The following TRIM24 variants were observed in gnomAD, a reference collection of about 807,000 sequenced individuals.
TRIM24 encodes the protein transcription intermediary factor 1-alpha.
TRIM24 carries 29 observed loss-of-function variants against 123.9 expected under a neutral mutation model. The observed-to-expected ratio is 0.23, with a 90% confidence interval of 0.17 to 0.32. The LOEUF is 0.32. Ranked by LOEUF, TRIM24 falls within the 10% of genes least tolerant of loss-of-function variation. The pLI is 1.00. For synonymous variants in TRIM24, 456 were observed against 461.1 expected (o/e 0.99, Z 0.14); for missense variants, 932 against 1,295.3 (o/e 0.72, Z 4.31).
intron 1 of TRIM24, among the ~76,000 whole-genome samples, chr7:138,499,770 G>A (rs1440879236): frequency 2.6e-5 from 4 of 151,732 alleles, no homozygotes; most frequent in East Asian, 1.9e-4. Flanking sequence ...CCCTGTACAT[G>A]TGCTTATTAT....
At chr7:138,571,130 G>C in intron 11 of TRIM24, 127 bp downstream of exon 11, 1 of 924,940 alleles carries the variant, frequency 1.1e-6, no homozygotes. Flanking sequence ...AGGAGTTCGA[G>C]ACTAGCCTGG....
At chr7:138,540,989 C>CT (rs1208777064) in intron 7 of TRIM24, among the ~76,000 whole-genome samples, 8 of 152,224 alleles carry the variant, frequency 5.3e-5, no homozygotes, top group East Asian at 1.9e-4. Context: ...AGGCATGCGC[C>CT]ACCATGTCCA....
intron 2 of TRIM24, among the ~76,000 whole-genome samples, chr7:138,509,324 A>G (rs928804291): frequency 3.4e-5 from 5 of 148,430 alleles, no homozygotes; most frequent in Non-Finnish European, 7.4e-5. Context: ...TGTATAATAT[A>G]TATATAATAT....
intron 1 of TRIM24, among the ~76,000 whole-genome samples, chr7:138,478,684 G>C (rs1795458606): frequency 6.6e-6 from 1 of 152,122 alleles, no homozygotes; most frequent in Non-Finnish European, 1.5e-5. Flanking sequence ...TGAATGGGCA[G>C]TATCAGTTGA....
At chr7:138,483,977 G>A (rs961592212) in intron 1 of TRIM24, among the ~76,000 whole-genome samples, 4 of 152,124 alleles carry the variant, frequency 2.6e-5, no homozygotes, top group Non-Finnish European at 5.9e-5. Context: ...GCTGTTCAAA[G>A]TCCTCCCGGT....
At chr7:138,483,744 A>G (rs999341593) in intron 1 of TRIM24, among the ~76,000 whole-genome samples, 1 of 152,192 alleles carries the variant, frequency 6.6e-6, no homozygotes, top group Non-Finnish European at 1.5e-5. Context: ...ACAAACAGGG[A>G]CTGTGGGAGG....
intron 6 of TRIM24, among the ~76,000 whole-genome samples, chr7:138,537,246 C>T (rs984464571): frequency 1.3e-5 from 2 of 152,084 alleles, no homozygotes; most frequent in Non-Finnish European, 2.9e-5. Flanking sequence ...CGACAAGCCC[C>T]AGTGACATGA....
intron 5 of TRIM24, among the ~76,000 whole-genome samples, chr7:138,526,019 A>G: frequency 6.6e-6 from 1 of 152,168 alleles, no homozygotes. Context: ...TAGGGCACAT[A>G]CTGACATTTA....
intron 1 of TRIM24, among the ~76,000 whole-genome samples, chr7:138,485,900 T>G (rs1008015357): frequency 6.6e-6 from 1 of 152,324 alleles, no homozygotes; most frequent in East Asian, 1.9e-4. Flanking sequence ...TTCTAGATCC[T>G]TGAGGAATCG....
rs369916995 is a variant in TRIM24, at chr7:138,513,730, A to C, written c.484-1482A>C. ...TTCAGCATGAGATTTGGGCAGGCACACAGATCCAAACCATATTACCATCTT... is the reference window on the plus strand; with the variant it reads ...TTCAGCATGAGATTTGGGCAGGCACCCAGATCCAAACCATATTACCATCTT... On this transcript the variant is annotated intron_variant, in intron 2 of 18. Transcript: ENST00000343526. Among the ~76,000 whole-genome samples, 14 of 152,340 alleles carry C rather than the reference A, an allele frequency of 9.2e-5. 1 individual carries two copies. The East Asian group carries it at 1.7e-3, about 19-fold the overall frequency.
chr7:138,504,447 C>T (rs201189803), intron 2 of TRIM24, 39 bp downstream of exon 2: 2,030 of 154,208 alleles, frequency 0.013, 161 homozygotes, highest in South Asian at 0.03. Flanking sequence ...CCTGCCAGCT[C>T]TTTTTTTTTT....
intron 2 of TRIM24, among the ~76,000 whole-genome samples, chr7:138,506,554 C>T (rs966914904): frequency 3.3e-5 from 5 of 152,038 alleles, no homozygotes; most frequent in African/African-American, 1.2e-4. Flanking sequence ...TGGGATATTC[C>T]TATGACATAA....
At chr7:138,479,314 T>C (rs1488690099) in intron 1 of TRIM24, among the ~76,000 whole-genome samples, 1 of 152,186 alleles carries the variant, frequency 6.6e-6, no homozygotes. Context: ...TTGTCTGCTA[T>C]ATTTTTATCA....
rs1798024355 is a variant in TRIM24, at chr7:138,586,601, T to A, written c.*1650T>A. ...ACTCACTTTTCAAATATGTGTTACATGGTAATGTTTGTCATTGTTGTTTTA... is the reference window on the plus strand; with the variant it reads ...ACTCACTTTTCAAATATGTGTTACAAGGTAATGTTTGTCATTGTTGTTTTA... On this transcript the variant is annotated 3_prime_UTR_variant, in exon 19 of 19. Coordinates refer to ENST00000343526, the MANE Select transcript of TRIM24 (RefSeq NM_015905.3). 2 of 152,234 alleles carry A rather than the reference T, an allele frequency of 1.3e-5. No homozygotes were observed. The highest frequency in any genetic ancestry group is 2.9e-5 in the Non-Finnish European group (2 of 68,020). 9.4% of individuals were successfully genotyped at this position (152,234 alleles called of 1,614,324 possible).
chr7:138,584,876 T>A lies in TRIM24; in HGVS notation c.3078T>A (p.Asp1026Glu). 1 of 1,613,850 alleles carries A rather than the reference T, an allele frequency of 6.2e-7. No homozygotes were observed. The highest frequency in any genetic ancestry group is 8.5e-7 in the Non-Finnish European group (1 of 1,179,874). Reference protein sequence around the residue: ...RNESEDNKFSDDSDDDFVQPR... With the variant: ...RNESEDNKFSEDSDDDFVQPR... ...AATCAGAAGATAATAAATTTAGTGA[T>A]GATTCAGATGATGACTTTGTACAGC... is the stretch of plus-strand genomic sequence containing the variant. The change falls in exon 19 of 19, where the codon GAT becomes GAA. Residue 1026 changes from aspartate to glutamate, a missense_variant. Physicochemically the swap from Asp to Glu is conservative, Grantham distance 45 (BLOSUM62 2). Around this residue, in one of 7 missense-constraint regions of TRIM24, gnomAD observed 104 missense variants for 121.5 expected, o/e 0.86. Coordinates refer to ENST00000343526, the MANE Select transcript of TRIM24 (RefSeq NM_015905.3).
At chr7:138,581,093 T>C (rs1797885811) in intron 16 of TRIM24, among the ~76,000 whole-genome samples, 2 of 152,206 alleles carry the variant, frequency 1.3e-5, no homozygotes, top group African/African-American at 2.4e-5. Context: ...ACTAGACTTA[T>C]GCATCAAAGC....
At chr7:138,471,387 A>G (rs1795269255) in intron 1 of TRIM24, among the ~76,000 whole-genome samples, 1 of 152,124 alleles carries the variant, frequency 6.6e-6, no homozygotes, top group Non-Finnish European at 1.5e-5. Flanking sequence ...TTTGCTTTTC[A>G]TCTAGTCTTT....
chr7:138,472,875 AT>A (rs927498572), intron 1 of TRIM24, among the ~76,000 whole-genome samples: 2 of 151,240 alleles, frequency 1.3e-5, no homozygotes, highest in Non-Finnish European at 3.0e-5. Context: ...TCTTAAAAAA[AT>A]TTTTTTTTTA....
intron 9 of TRIM24, among the ~76,000 whole-genome samples, chr7:138,566,720 C>T (rs1797543083): frequency 6.6e-6 from 1 of 152,034 alleles, no homozygotes; most frequent in Admixed American, 6.6e-5. Context: ...ATTTGCAAAA[C>T]AAAGGTAATA....
Sources: allele counts gnomAD v4.1 joint callset (sites outside exome capture counted in the v4.1 genomes callset), GRCh38; gene constraint gnomAD v4.1.1; regional missense constraint gnomAD v4.1.1; transcripts MANE v1.5; gene names NCBI Gene and HGNC (gene_info 2026-07-23, HGNC 2026-07-21).